The following ADARB1 variants were observed in gnomAD, a reference collection of about 807,000 sequenced individuals.
ADARB1 encodes the protein adenosine deaminase RNA specific B1.
In ADARB1, 10 loss-of-function variants were observed where a neutral mutation model predicts 52.4. That is an observed-to-expected ratio of 0.19 (90% CI 0.12 to 0.32). The LOEUF is 0.32. Ranked by LOEUF, ADARB1 falls within the 10% of genes least tolerant of loss-of-function variation. ADARB1 has a pLI of 1.00. For synonymous variants in ADARB1, 349 were observed against 371.1 expected (o/e 0.94, Z 0.68); for missense variants, 643 against 922.3 (o/e 0.70, Z 3.92).
Position 45,176,376 on chromosome 21 carries a change from A to G in ADARB1, c.675A>G (p.Leu225=). 6.2e-7 allele frequency: 1 copy of G among 1,614,004 alleles called. No homozygotes were observed. The change falls in exon 4 of 11, where the codon TTA becomes TTG. Residue 225 remains leucine, a synonymous_variant. Coordinates refer to ENST00000348831, the MANE Select transcript of ADARB1 (RefSeq NM_001112.4). The surrounding 1 kb of genome is among the most constrained non-coding windows in gnomAD (Gnocchi z 5.8). ...TAGCCCAGCCTCCTCTCCCTGTCTT[A>G]CCACCATTCCCACCCCCGAGTGGGA... ...ASLAQPPLPV[L]PPFPPPSGKN...
chr21:45,132,913 C>T (rs938254301), intron 2 of ADARB1, among the ~76,000 whole-genome samples: 6 of 152,176 alleles, frequency 3.9e-5, no homozygotes, highest in African/African-American at 1.2e-4. Flanking sequence ...CTTCTTTGAG[C>T]GCACATTAGA....
chr21:45,141,278 A>G (rs894421417), intron 2 of ADARB1, among the ~76,000 whole-genome samples: 6 of 152,244 alleles, frequency 3.9e-5, no homozygotes, highest in African/African-American at 1.4e-4. Flanking sequence ...AATATTCCAA[A>G]TAGGTAATAA....
At chr21:45,177,465 G>T (rs202222663) in intron 4 of ADARB1, 2 of 152,232 alleles carry the variant, frequency 1.3e-5, no homozygotes, top group Non-Finnish European at 2.9e-5. Context: ...TGGCTTACGT[G>T]AAAGAGAAAA....
At chr21:45,197,390 C>G (rs1459091131) in intron 8 of ADARB1, among the ~76,000 whole-genome samples, 2 of 151,884 alleles carry the variant, frequency 1.3e-5, no homozygotes, top group Non-Finnish European at 1.5e-5. Context: ...GTCCCAGCTA[C>G]TCAGGAGGCT....
intron 1 of ADARB1, among the ~76,000 whole-genome samples, chr21:45,116,142 C>G (rs1029129139): frequency 2.6e-5 from 4 of 152,214 alleles, no homozygotes; most frequent in African/African-American, 9.6e-5. Flanking sequence ...TCAGTGTCCC[C>G]AGGGCGAAAT....
At position 45,223,581 on chromosome 21, in the gene ADARB1, G is replaced by A; in HGVS notation, c.*1384G>A. The A allele has an allele frequency of 2.0e-6, 2 of 985,736 alleles. No homozygotes were observed. Among genetic ancestry groups the A allele is most frequent in the Non-Finnish European group, 2.4e-6 (2 of 830,172 alleles). The allele number at this position is 985,736 out of a possible 1,614,324, so 61.1% of individuals were successfully genotyped here. A position where few individuals can be genotyped will look rare whatever the true frequency, so the allele number is the denominator to read the frequency against. On this transcript the variant is annotated 3_prime_UTR_variant, in exon 11 of 11. Transcript: ENST00000348831. ...CAAGGCTCTAGAGGGTGTTCAGGTG[G>A]GTCTCCTGGGGCCATGGGGAGAGAT...
At chr21:45,106,070 T>G (rs995691112) in intron 1 of ADARB1, among the ~76,000 whole-genome samples, 1 of 152,252 alleles carries the variant, frequency 6.6e-6, no homozygotes, top group African/African-American at 2.4e-5. Flanking sequence ...TAGGACTGTT[T>G]GCTTCTCAAC....
intron 1 of ADARB1, chr21:45,117,173 G>A (rs1411724875): frequency 6.6e-6 from 1 of 152,224 alleles, no homozygotes; most frequent in Non-Finnish European, 1.5e-5. Flanking sequence ...AGGATGAAGG[G>A]AGCAGTTCTA....
chr21:45,187,946 T>C (rs2092162415), intron 8 of ADARB1, among the ~76,000 whole-genome samples: 1 of 152,114 alleles, frequency 6.6e-6, no homozygotes, highest in Non-Finnish European at 1.5e-5. Flanking sequence ...GGTTTGTAGC[T>C]TTTTTTACCC....
rs2092625358 is a variant in ADARB1 at position 45,204,419 on chromosome 21, T to C, written c.1566-136T>C. ...AGCTGCTAAATCAGTCTGTTAACTT[T>C]TTGTTGCACTCCTTCGTCAGTTGGT... On this transcript the variant is annotated intron_variant, in intron 8 of 10. Transcript: ENST00000348831. This position sits in a 1 kb window ranked among gnomAD's most constrained non-coding sequence, Gnocchi z 4.4. 1 of 765,574 alleles carries C rather than the reference T, an allele frequency of 1.3e-6. No homozygotes were observed. Among genetic ancestry groups the C allele is most frequent in the Non-Finnish European group, 2.1e-6 (1 of 473,694 alleles). 47.4% of individuals were successfully genotyped at this position (765,574 alleles called of 1,614,324 possible).
chr21:45,162,269 G>T (rs536099154), intron 2 of ADARB1, among the ~76,000 whole-genome samples: 1 of 152,314 alleles, frequency 6.6e-6, no homozygotes, highest in South Asian at 2.1e-4. Context: ...TGGAAGCTGT[G>T]TGTGGTATGC....
rs140695386 is a variant in ADARB1, at chr21:45,222,167, C to T, written c.2076C>T (p.Thr692=). 45 of 1,599,446 alleles carry T rather than the reference C, an allele frequency of 2.8e-5. No individual in the cohort carries two copies. In the African/African-American group the frequency reaches 2.8e-4, roughly 10 times the overall value. ...AGLGAWVEKP[T]EQDQFSLTP ...TGGGGGCCTGGGTGGAGAAGCCCAC[C>T]GAGCAGGACCAGTTCTCACTCACGC... is the stretch of plus-strand genomic sequence containing the variant. Residue 692 remains threonine, a synonymous_variant, in exon 11 of 11, where the codon ACC becomes ACT. Transcript: ENST00000348831.
In ADARB1 at chr21:45,195,696, C is replaced by G. The variant is rs115737532; in HGVS notation, c.1566-8859C>G. Among the ~76,000 whole-genome samples the G allele has an allele frequency of 5.0e-3, 751 of 150,298 alleles. 3 individuals carry two copies. Among genetic ancestry groups the G allele is most frequent in the African/African-American group, 0.018 (716 of 40,816 alleles). ...TTTTGTCCATTTCATTGTCTTTGCT[C>G]TTTTGTCAAAGATCAGTTGACTGTA... is the stretch of plus-strand genomic sequence containing the variant. On this transcript the variant is annotated intron_variant, in intron 8 of 10. Transcript: ENST00000348831.
intron 9 of ADARB1, among the ~76,000 whole-genome samples, chr21:45,216,373 TGTA>T (rs1224979938): frequency 4.6e-5 from 7 of 152,168 alleles, no homozygotes; most frequent in Non-Finnish European, 1.0e-4. Flanking sequence ...CCCATCTTTT[TGTA>T]GTTTTTTAAG....
intron 1 of ADARB1, among the ~76,000 whole-genome samples, chr21:45,090,304 A>G (rs2086511269): frequency 6.6e-6 from 1 of 152,122 alleles, no homozygotes; most frequent in Non-Finnish European, 1.5e-5. Context: ...ATTTATTTTA[A>G]TACCTTCTAT....
intron 2 of ADARB1, chr21:45,152,602 T>G (rs1169955762): frequency 4.7e-6 from 2 of 422,806 alleles, no homozygotes; most frequent in African/African-American, 4.1e-5. Flanking sequence ...GGCATTGGCG[T>G]GTCTGCATGG....
At chr21:45,182,365 A>C (rs926654173) in intron 5 of ADARB1, among the ~76,000 whole-genome samples, 16 of 152,208 alleles carry the variant, frequency 1.1e-4, no homozygotes, top group African/African-American at 3.6e-4. Context: ...TTGGCTTTCC[A>C]GAAATGTCAC....
Position 45,223,325 on chromosome 21 carries a change from C to T in ADARB1, c.*1128C>T. Reference sequence around the variant, plus strand: ...CACGTGCTGCTGGCGTAGTGTAGGCCAGACATTGACAGTCCTGACGGGAGC... The same window carrying T: ...CACGTGCTGCTGGCGTAGTGTAGGCTAGACATTGACAGTCCTGACGGGAGC... On this transcript the variant is annotated 3_prime_UTR_variant, in exon 11 of 11. Coordinates refer to ENST00000348831, the MANE Select transcript of ADARB1 (RefSeq NM_001112.4). The T allele has an allele frequency of 2.0e-6, 2 of 985,468 alleles. No homozygotes were observed. Among genetic ancestry groups the T allele is most frequent in the Non-Finnish European group, 2.4e-6 (2 of 829,954 alleles). 61.0% of individuals were successfully genotyped at this position (985,468 alleles called of 1,614,324 possible).
intron 1 of ADARB1, chr21:45,120,666 G>A (rs545306297): frequency 6.6e-6 from 1 of 152,390 alleles, no homozygotes; most frequent in African/African-American, 2.4e-5. Context: ...CGAGCTTATT[G>A]TCTTCCTCCA....
Sources: allele counts gnomAD v4.1 joint callset (sites outside exome capture counted in the v4.1 genomes callset), GRCh38; gene constraint gnomAD v4.1.1; non-coding constraint Gnocchi (gnomAD v3.1); transcripts MANE v1.5; gene names NCBI Gene and HGNC (gene_info 2026-07-23, HGNC 2026-07-21).